The following REL variants were observed in gnomAD, a reference collection of about 807,000 sequenced individuals.
The protein encoded by REL is REL proto-oncogene, NF-kB subunit.
Under a neutral mutation model 45.9 loss-of-function variants are expected in REL, and 15 were observed. The ratio of observed to expected loss-of-function variants is 0.33; its 90% CI spans 0.22 to 0.50. The LOEUF is 0.50. Among genes scored for constraint, REL ranks in the 20% least tolerant of loss-of-function variants. The pLI is 0.98. For missense variants in REL, 601 were observed against 715.2 expected, an observed-to-expected ratio of 0.84 and a Z score of 1.82; for synonymous variants, 239 against 242.1, an observed-to-expected ratio of 0.99 and a Z score of 0.12.
intron 4 of REL, among the ~76,000 whole-genome samples, chr2:60,916,114 C>T (rs1311327867): frequency 6.6e-6 from 1 of 152,184 alleles, no homozygotes; most frequent in East Asian, 1.9e-4. Flanking sequence ...TAATTCATCT[C>T]TTTACAGTCA....
chr2:60,895,649 C>T (rs1222989570), intron 3 of REL, among the ~76,000 whole-genome samples: 1 of 152,158 alleles, frequency 6.6e-6, no homozygotes, highest in Non-Finnish European at 1.5e-5. Context: ...AAGATGGGCC[C>T]ATTCATCATG....
chr2:60,891,311 C>G (rs1673204830), intron 1 of REL, among the ~76,000 whole-genome samples: 1 of 152,102 alleles, frequency 6.6e-6, no homozygotes, highest in South Asian at 2.1e-4. Flanking sequence ...TGAATACTGC[C>G]TTCTTTACCC....
In REL at chr2:60,929,464, A is replaced by G. The variant is rs1469502721; in HGVS notation, c.*6929A>G. 8 of 149,454 alleles carry G rather than the reference A, an allele frequency of 5.4e-5. No homozygotes were observed. The highest frequency in any genetic ancestry group is 2.0e-4 in the African/African-American group (8 of 40,426). 9.3% of individuals were successfully genotyped at this position (149,454 alleles called of 1,614,324 possible). ...AGACTGGATTAAGAAAATGTGGCAC[A>G]TATACACCATGGAATACTATGCAGC... On this transcript the variant is annotated 3_prime_UTR_variant, in exon 10 of 10. Coordinates refer to ENST00000394479, the MANE Select transcript of REL (RefSeq NM_001291746.2).
At chr2:60,902,812 A>C (rs1573327445) in intron 4 of REL, among the ~76,000 whole-genome samples, 1 of 150,238 alleles carries the variant, frequency 6.7e-6, no homozygotes, top group Non-Finnish European at 1.5e-5. Context: ...TGGTCTCAAA[A>C]CTCCTGAGCT....
chr2:60,908,269 ATC>A (rs1378664622), intron 4 of REL, among the ~76,000 whole-genome samples: 4 of 152,232 alleles, frequency 2.6e-5, no homozygotes, highest in Admixed American at 2.6e-4. Context: ...TTTTACTGTT[ATC>A]TCTATCTTCT....
Position 60,920,560 on chromosome 2 carries a change from C to A in REL, c.923-14C>A. On this transcript the variant is annotated splice_polypyrimidine_tract_variant and intron_variant, in intron 8 of 9. Coordinates refer to ENST00000394479, the MANE Select transcript of REL (RefSeq NM_001291746.2). ...CAAATGACATTTAATAATGGAAAAA[C>A]TTTATCCTAACAGTTAATTTTCCTG... 6.4e-7 allele frequency: 1 copy of A among 1,574,004 alleles called. No homozygotes were observed. The highest frequency in any genetic ancestry group is 8.7e-7 in the Non-Finnish European group (1 of 1,146,414).
chr2:60,902,050 G>A (rs541429649), intron 4 of REL, among the ~76,000 whole-genome samples: 60 of 152,176 alleles, frequency 3.9e-4, no homozygotes, highest in Non-Finnish European at 2.1e-4. Context: ...TATACTTAGA[G>A]TAGCCTCCAT....
At position 60,923,288 on chromosome 2, in the gene REL, T is replaced by G. The variant is rs1378241900; in HGVS notation, c.*753T>G. ...AAATGTTAAGTTGGGCAGAAGGCAGTTGAAGTGAGCTTTCAAGGTATGGGA... is the reference window on the plus strand; with the variant it reads ...AAATGTTAAGTTGGGCAGAAGGCAGGTGAAGTGAGCTTTCAAGGTATGGGA... On this transcript the variant is annotated 3_prime_UTR_variant, in exon 10 of 10. Coordinates refer to ENST00000394479, the MANE Select transcript of REL (RefSeq NM_001291746.2). 3 of 222,140 alleles carry G rather than the reference T, an allele frequency of 1.4e-5. No individual in the cohort carries two copies. Among genetic ancestry groups the G allele is most frequent in the African/African-American group, 6.7e-5 (3 of 44,722 alleles). 13.8% of individuals were successfully genotyped at this position (222,140 alleles called of 1,614,324 possible).
rs1406456726 is a variant in REL at position 60,923,130 on chromosome 2, A to G, written c.*595A>G. The G allele has an allele frequency of 3.2e-5, 6 of 186,894 alleles. No individual in the cohort carries two copies. The Admixed American group carries it at 3.7e-4, about 12-fold the overall frequency. 11.6% of individuals were successfully genotyped at this position (186,894 alleles called of 1,614,324 possible). A position where few individuals can be genotyped will look rare whatever the true frequency, so the allele number is the denominator to read the frequency against. Reference sequence around the variant, plus strand: ...TTCTTAAATTTCAAGCAAATTTAAGATAAAACTTGTAATGGCTATGCCATT... The same window carrying G: ...TTCTTAAATTTCAAGCAAATTTAAGGTAAAACTTGTAATGGCTATGCCATT... On this transcript the variant is annotated 3_prime_UTR_variant, in exon 10 of 10. Transcript: ENST00000394479.
rs765463068 is a variant in REL, at chr2:60,918,614, A to G, written c.853+8A>G. On this transcript the variant is annotated splice_region_variant and intron_variant, in intron 7 of 9. Transcript: ENST00000394479. ...ATCTGCCAGATGAAAAAGGTATGAC[A>G]TTTTGCTGGTAATAATTTATATATT... The G allele has an allele frequency of 1.9e-6, 3 of 1,579,676 alleles. No homozygotes were observed. Among genetic ancestry groups the G allele is most frequent in the South Asian group, 2.2e-5 (2 of 90,230 alleles).
At chr2:60,889,915 G>T (rs1352127441) in intron 1 of REL, among the ~76,000 whole-genome samples, 2 of 152,174 alleles carry the variant, frequency 1.3e-5, no homozygotes, top group Non-Finnish European at 2.9e-5. Flanking sequence ...ACATACTTGT[G>T]CATGTGTCTT....
At position 60,930,350 on chromosome 2, in the gene REL, AG is replaced by A; in HGVS notation, c.*7816del. ...TCATTATGGATTAGGTTCTTTAGTA[AG>A]AAACCTGAGATGGACTTCTCATTAG... is the stretch of plus-strand genomic sequence containing the variant. On this transcript the variant is annotated 3_prime_UTR_variant, in exon 10 of 10. Coordinates refer to ENST00000394479, the MANE Select transcript of REL (RefSeq NM_001291746.2). The A allele has an allele frequency of 6.6e-6, 1 of 152,454 alleles. No homozygotes were observed. Among genetic ancestry groups the A allele is most frequent in the East Asian group, 1.9e-4 (1 of 5,326 alleles). The allele number at this position is 152,454 out of a possible 1,614,324, so 9.4% of individuals were successfully genotyped here.
At position 60,920,556 on chromosome 2, in the gene REL, A is replaced by G; in HGVS notation, c.923-18A>G. On this transcript the variant is annotated intron_variant, in intron 8 of 9. Coordinates refer to ENST00000394479, the MANE Select transcript of REL (RefSeq NM_001291746.2). ...TTTTCAAATGACATTTAATAATGGA[A>G]AAACTTTATCCTAACAGTTAATTTT... 2 of 1,566,636 alleles carry G rather than the reference A, an allele frequency of 1.3e-6. No homozygotes were observed. The highest frequency in any genetic ancestry group is 4.5e-5 in the East Asian group (2 of 44,648).
intron 9 of REL, 108 bp downstream of exon 9, chr2:60,920,750 T>C: frequency 1.5e-6 from 1 of 674,252 alleles, no homozygotes; most frequent in Non-Finnish European, 2.5e-6. Flanking sequence ...TTGAAAATTT[T>C]CTCTCCAGAT....
At chr2:60,901,830 A>G (rs1482641768) in intron 4 of REL, among the ~76,000 whole-genome samples, 1 of 152,194 alleles carries the variant, frequency 6.6e-6, no homozygotes, top group African/African-American at 2.4e-5. Flanking sequence ...AATCACACAA[A>G]GTATTTTCAT....
In REL at chr2:60,925,545, T is replaced by G. The variant is rs1674248138; in HGVS notation, c.*3010T>G. On this transcript the variant is annotated 3_prime_UTR_variant, in exon 10 of 10. Coordinates refer to ENST00000394479, the MANE Select transcript of REL (RefSeq NM_001291746.2). ...AAAAGGTAGAAAGTAATTTTTTTAC[T>G]TAAAAATATAAATTAAAATAAATTT... is the stretch of plus-strand genomic sequence containing the variant. 1 of 180,246 alleles carries G rather than the reference T, an allele frequency of 5.5e-6. No homozygotes were observed. The allele number at this position is 180,246 out of a possible 1,614,324, so 11.2% of individuals were successfully genotyped here. A position where few individuals can be genotyped will look rare whatever the true frequency, so the allele number is the denominator to read the frequency against.
In REL at chr2:60,922,242, T is replaced by A; in HGVS notation, c.1471T>A (p.Ser491Thr). ...TCTGAGCATGAATCTTGAAAACCCC[T>A]CATGTAATTCAGTGTTAGACCCAAG... Reference protein sequence around the residue: ...RLLSMNLENPSCNSVLDPRDL... With the variant: ...RLLSMNLENPTCNSVLDPRDL... Residue 491 changes from serine (S) to threonine (T), a missense_variant, in exon 10 of 10, where the codon TCA becomes ACA. By Grantham distance (58) the Ser-to-Thr change is moderately conservative. Transcript: ENST00000394479. 1 of 1,614,150 alleles carries A rather than the reference T, an allele frequency of 6.2e-7. No homozygotes were observed. Among genetic ancestry groups the A allele is most frequent in the African/African-American group, 1.3e-5 (1 of 75,036 alleles).
chr2:60,913,218 A>G (rs1475329122), intron 4 of REL, among the ~76,000 whole-genome samples: 2 of 151,474 alleles, frequency 1.3e-5, no homozygotes, highest in Non-Finnish European at 2.9e-5. Context: ...TATGTCTGAA[A>G]ACTTCATTAT....
At chr2:60,882,255 CA>C (rs1372843434) in intron 1 of REL, among the ~76,000 whole-genome samples, 1 of 152,176 alleles carries the variant, frequency 6.6e-6, no homozygotes, top group African/African-American at 2.4e-5. Context: ...TTAATTTCAT[CA>C]AATGCAAAGA....
Sources: allele counts gnomAD v4.1 joint callset (sites outside exome capture counted in the v4.1 genomes callset), GRCh38; gene constraint gnomAD v4.1.1; transcripts MANE v1.5; gene names NCBI Gene and HGNC (gene_info 2026-07-23, HGNC 2026-07-21).